XPO6: variants seen among roughly 807,000 people sequenced by gnomAD.
The protein encoded by XPO6 is exportin-6.
XPO6 carries 3 observed loss-of-function variants against 130.0 expected under a neutral mutation model. The observed-to-expected ratio is 0.02, with a 90% CI of 0.01 to 0.06. XPO6 has a LOEUF of 0.06. Ranked by LOEUF, XPO6 falls within the 10% of genes least tolerant of loss-of-function variation. The pLI is 1.00. For synonymous variants in XPO6, 524 were observed against 548.9 expected (o/e 0.95, Z 0.63); for missense variants, 970 against 1,393.0 (o/e 0.70, Z 4.83).
At chr16:28,200,857 T>C (rs2043943255) in intron 1 of XPO6, among the ~76,000 whole-genome samples, 2 of 152,126 alleles carry the variant, frequency 1.3e-5, no homozygotes, top group Non-Finnish European at 1.5e-5. Flanking sequence ...CTATGAGAGA[T>C]TAAATCAAAT....
chr16:28,191,406 A>G (rs906316766), intron 1 of XPO6, among the ~76,000 whole-genome samples: 2 of 152,226 alleles, frequency 1.3e-5, no homozygotes, highest in Admixed American at 1.3e-4. Flanking sequence ...TCCCAGGTAC[A>G]TATCCCAGGA....
chr16:28,189,757 A>G (rs1880163795), intron 1 of XPO6, among the ~76,000 whole-genome samples: 1 of 152,218 alleles, frequency 6.6e-6, no homozygotes, highest in Admixed American at 6.5e-5. Flanking sequence ...ATCTAGACAT[A>G]ACTTTGCACA....
At chr16:28,139,125 TA>T (rs2042837072) in intron 9 of XPO6, among the ~76,000 whole-genome samples, 1 of 152,090 alleles carries the variant, frequency 6.6e-6, no homozygotes, top group Non-Finnish European at 1.5e-5. Context: ...TATAAAAAGG[TA>T]ATAAAGTTAT....
chr16:28,170,332 CAA>C (rs10638478), intron 4 of XPO6, among the ~76,000 whole-genome samples: 16 of 81,294 alleles, frequency 2.0e-4, no homozygotes, highest in Admixed American at 2.4e-4. Flanking sequence ...AACTCTGTCT[CAA>C]AAAAAAAAAA....
chr16:28,110,026 G>A (rs2086879274), intron 17 of XPO6, among the ~76,000 whole-genome samples: 1 of 151,816 alleles, frequency 6.6e-6, no homozygotes, highest in Non-Finnish European at 1.5e-5. Context: ...TTATTCCTTT[G>A]GCTAGTCTGT....
chr16:28,146,260 A>AAC, intron 8 of XPO6, 57 bp from the exon 9 acceptor site: 1 of 1,217,440 alleles, frequency 8.2e-7, no homozygotes, highest in East Asian at 2.3e-5. Context: ...ATTCCTTAGA[A>AAC]ACACACACAT....
At position 28,152,716 on chromosome 16, in the gene XPO6, G is replaced by A. The variant is rs762322243; in HGVS notation, c.1167C>T (p.Tyr389=). The stretch of plus-strand genomic sequence containing the variant: ...AAAACTCCACCACAGGGAACTGGGA[G>A]TAAGACTCGATTCTTCTTAGGTGAA... The part of the protein sequence containing the change: ...VSVHLRRIES[Y]SQFPVVEFLT... Residue 389 remains tyrosine (Y), a synonymous_variant, in exon 8 of 24, where the codon TAC becomes TAT. Transcript: ENST00000304658. 5 of 1,613,320 alleles carry A rather than the reference G, an allele frequency of 3.1e-6. No individual in the cohort carries two copies. Among genetic ancestry groups the A allele is most frequent in the South Asian group, 2.2e-5 (2 of 90,942 alleles).
rs550520990 is a variant in XPO6, at chr16:28,106,764, G to A, written c.2498-267C>T. Among the ~76,000 whole-genome samples, 4 of 152,264 alleles carry A rather than the reference G, an allele frequency of 2.6e-5. No homozygotes were observed. Among genetic ancestry groups the A allele is most frequent in the Middle Eastern group, 3.4e-3 (1 of 294 alleles). On this transcript the variant is annotated intron_variant, in intron 18 of 23. Coordinates refer to ENST00000304658, the MANE Select transcript of XPO6 (RefSeq NM_015171.4). This position sits in a 1 kb window ranked among gnomAD's most constrained non-coding sequence, Gnocchi z 4.2. The stretch of plus-strand genomic sequence containing the variant: ...CATCTCGAACCCTCCCTCATTGCCC[G>A]ACATCCAGTGATGGTCAGAGTTTCA...
intron 8 of XPO6, among the ~76,000 whole-genome samples, chr16:28,151,851 G>C (rs910930471): frequency 1.3e-5 from 2 of 152,114 alleles, no homozygotes; most frequent in Non-Finnish European, 2.9e-5. Flanking sequence ...AACATAGCAA[G>C]ACCCAATGTC....
rs200543236 is a variant in XPO6, at chr16:28,104,646, T to C, written c.2846A>G (p.Asn949Ser). Reference protein sequence around the residue: ...FELLFRTLHHNWRYFFKSTVL... With the variant: ...FELLFRTLHHSWRYFFKSTVL... ...GGTGGACTTGAAGAAGTACCTCCAG[T>C]TGTGATGGAGCGTCCGGAAAAGGAG... Residue 949 changes from asparagine (N) to serine (S), a missense_variant, in exon 21 of 24, where the codon AAC becomes AGC. Coordinates refer to ENST00000304658, the MANE Select transcript of XPO6 (RefSeq NM_015171.4). 41 of 1,614,158 alleles carry C rather than the reference T, an allele frequency of 2.5e-5. No homozygotes were observed. In the Admixed American group the frequency reaches 6.7e-4, roughly 26 times the overall value.
At chr16:28,126,379 T>A (rs1266611069) in intron 12 of XPO6, among the ~76,000 whole-genome samples, 1 of 152,090 alleles carries the variant, frequency 6.6e-6, no homozygotes, top group Non-Finnish European at 1.5e-5. Flanking sequence ...ACTCCACCCC[T>A]GAAGGCTGGG....
rs12444329 is a variant in XPO6, at chr16:28,186,471, C to G, written c.4-5440G>C. ...CACTGAGGCCTCAAACTCCTTGGCT[C>G]AAGCAATCCTCCTGCCTCAGCTTCA... is the stretch of plus-strand genomic sequence containing the variant. On this transcript the variant is annotated intron_variant, in intron 1 of 23. Transcript: ENST00000304658. Among the ~76,000 whole-genome samples the G allele has an allele frequency of 4.4e-3, 616 of 138,894 alleles. 5 individuals carry two copies. Among genetic ancestry groups the G allele is most frequent in the Admixed American group, 9.3e-3 (117 of 12,618 alleles). The allele number at this position is 138,894 out of a possible 152,430, so 91.1% of individuals were successfully genotyped here.
In XPO6 at chr16:28,101,098, C is replaced by A. The variant is rs2086646239; in HGVS notation, c.3276+360G>T. 2.7e-6 allele frequency: 1 copy of A among 366,302 alleles called. No homozygotes were observed. Among genetic ancestry groups the A allele is most frequent in the Admixed American group, 3.9e-5 (1 of 25,870 alleles). 22.7% of individuals were successfully genotyped at this position (366,302 alleles called of 1,614,324 possible). On this transcript the variant is annotated intron_variant, in intron 23 of 23. Transcript: ENST00000304658. The surrounding 1 kb of genome is among the most constrained non-coding windows in gnomAD (Gnocchi z 5.4). ...CCAACCATCTCAGCCTGAATGCAAGCCTGGGCACACTCCAATGCTGGCCCC... is the reference window on the plus strand; with the variant it reads ...CCAACCATCTCAGCCTGAATGCAAGACTGGGCACACTCCAATGCTGGCCCC...
intron 9 of XPO6, among the ~76,000 whole-genome samples, chr16:28,145,338 G>C (rs1010995447): frequency 5.9e-5 from 9 of 152,038 alleles, no homozygotes; most frequent in African/African-American, 2.2e-4. Flanking sequence ...CTGGCATGCT[G>C]AATCTCCACC....
At chr16:28,140,122 C>T (rs1423633708) in intron 9 of XPO6, among the ~76,000 whole-genome samples, 1 of 150,952 alleles carries the variant, frequency 6.6e-6, no homozygotes, top group Non-Finnish European at 1.5e-5. Context: ...ATCCCAGCTA[C>T]TTGGGAGGCT....
intron 13 of XPO6, 26 bp downstream of exon 13, chr16:28,125,663 G>A: frequency 6.2e-7 from 1 of 1,606,956 alleles, no homozygotes; most frequent in Non-Finnish European, 8.5e-7. Flanking sequence ...AGAAGGAACA[G>A]CTCCATAAGG....
intron 23 of XPO6, 53 bp from the exon 24 acceptor site, chr16:28,098,692 C>G: frequency 7.2e-7 from 1 of 1,386,402 alleles, no homozygotes. Flanking sequence ...CACCCACCCA[C>G]CAGACCCCAA....
intron 8 of XPO6, among the ~76,000 whole-genome samples, chr16:28,152,323 G>T (rs28407748): frequency 0.99 from 151,446 of 152,342 alleles, 75,290 homozygotes; most frequent in Middle Eastern, 1. Context: ...ACTAAAGGCC[G>T]TAATTTCAGA....
intron 6 of XPO6, among the ~76,000 whole-genome samples, chr16:28,158,817 A>T (rs1351649711): frequency 6.6e-6 from 1 of 152,204 alleles, no homozygotes; most frequent in African/African-American, 2.4e-5. Flanking sequence ...ACTCCAAGTG[A>T]TTCTTATGCT....
Sources: gnomAD v4.1 joint callset for allele counts (sites outside exome capture counted in the v4.1 genomes callset) on GRCh38, gnomAD v4.1.1 for gene constraint, Gnocchi (gnomAD v3.1) non-coding constraint, MANE v1.5 for transcripts, NCBI Gene and HGNC (gene_info 2026-07-23, HGNC 2026-07-21) for gene names.